UGT2B17: variants seen among roughly 807,000 people sequenced by gnomAD.
UGT2B17 encodes UDP-glucuronosyltransferase 2B17.
UGT2B17 carries 21 observed loss-of-function variants against 48.2 expected under a neutral mutation model. The observed-to-expected ratio is 0.44, with a 90% CI of 0.31 to 0.63. The LOEUF is 0.63. Among genes scored for constraint, UGT2B17 ranks in the 20% least tolerant of loss-of-function variants. The pLI is 0.08. For synonymous variants in UGT2B17, 146 were observed against 238.4 expected, an observed-to-expected ratio of 0.61 and a Z score of 3.57; for missense variants, 402 against 696.1, an observed-to-expected ratio of 0.58 and a Z score of 4.75.
rs879108395 is a variant in UGT2B17 at position 68,546,814 on chromosome 4, C to T, written c.1313+3863G>A. ...AACAGAGAGCCAAATCATGAGTGAA[C>T]TCCCATTCACAATTGCTTCAAAGAG... On this transcript the variant is annotated intron_variant, in intron 6 of 6. Transcript: ENST00000317746. 1.6e-5 allele frequency among the ~76,000 whole-genome samples: 2 copies of T among 124,076 alleles called. 1 individual carries two copies. The highest frequency in any genetic ancestry group is 3.4e-5 in the Non-Finnish European group (2 of 58,902). The allele number at this position is 124,076 out of a possible 152,430, so 81.4% of individuals were successfully genotyped here.
In UGT2B17 at chr4:68,572,311, C is replaced by T. The variant is rs1731307349; in HGVS notation, c.-65+3640G>A. On this transcript the variant is annotated intron_variant, in intron 1 of 6. Transcript: ENST00000317746. ...GTTCTACCTATTACCTTACTTGTGT[C>T]ACATAGAAAAGGAGCAGTCCTTAAT... 3.2e-5 allele frequency among the ~76,000 whole-genome samples: 4 copies of T among 125,802 alleles called. 2 individuals carry two copies. The highest frequency in any genetic ancestry group is 1.6e-4 in the Admixed American group (2 of 12,242). 82.5% of individuals were successfully genotyped at this position (125,802 alleles called of 152,430 possible).
At position 68,562,408 on chromosome 4, in the gene UGT2B17, C is replaced by T. The variant is rs1177683557; in HGVS notation, c.874-1740G>A. Among the ~76,000 whole-genome samples the T allele has an allele frequency of 8.7e-5, 11 of 126,148 alleles. 2 individuals are homozygous for T. In the Admixed American group the frequency reaches 9.0e-4, roughly 10 times the overall value. 82.8% of individuals were successfully genotyped at this position (126,148 alleles called of 152,430 possible). ...GATTACAGGCTTGAGCCACTGTGCC[C>T]GGTCTGATATCAGTTTTAATTGGAG... On this transcript the variant is annotated intron_variant, in intron 3 of 6. Transcript: ENST00000317746.
chr4:68,572,068 G>A (rs1205726120), intron 1 of UGT2B17, among the ~76,000 whole-genome samples: 2 of 125,756 alleles, frequency 1.6e-5, no homozygotes, highest in African/African-American at 2.7e-5. Flanking sequence ...AGTCAAACAC[G>A]ATCTTTTTTA....
At chr4:68,560,042 A>T (rs1731074710) in intron 4 of UGT2B17, among the ~76,000 whole-genome samples, 1 of 132,474 alleles carries the variant, frequency 7.5e-6, no homozygotes, top group African/African-American at 2.6e-5. Flanking sequence ...ACCTATTCCA[A>T]TGCATGGGAA....
intron 3 of UGT2B17, among the ~76,000 whole-genome samples, chr4:68,562,977 T>A (rs1560580477): frequency 7.9e-6 from 1 of 126,518 alleles, no homozygotes; most frequent in Non-Finnish European, 1.7e-5. Context: ...GCGCATTGTA[T>A]AAGTTTTTAA....
rs1478671634 is a variant in UGT2B17 at position 68,575,431 on chromosome 4, T to C, written c.-65+520A>G. Among the ~76,000 whole-genome samples the C allele has an allele frequency of 1.3e-4, 16 of 125,094 alleles. 2 individuals are homozygous for C. The highest frequency in any genetic ancestry group is 4.4e-4 in the African/African-American group (16 of 36,398). The allele number at this position is 125,094 out of a possible 152,430, so 82.1% of individuals were successfully genotyped here. A position where few individuals can be genotyped will look rare whatever the true frequency, so the allele number is the denominator to read the frequency against. ...CCTACCTCTAATGCTGGCCAATCTA[T>C]TTCACACAAAGTTCTAAGTTTTCCT... On this transcript the variant is annotated intron_variant, in intron 1 of 6. Coordinates refer to ENST00000317746, the MANE Select transcript of UGT2B17 (RefSeq NM_001077.4).
Position 68,549,657 on chromosome 4 carries a change from T to C in UGT2B17, c.1313+1020A>G, listed in dbSNP as rs535757348. Among the ~76,000 whole-genome samples, 154 of 125,220 alleles carry C rather than the reference T, an allele frequency of 1.2e-3. 37 individuals are homozygous for C. The highest frequency in any genetic ancestry group is 2.1e-3 in the Non-Finnish European group (122 of 59,130). 82.1% of individuals were successfully genotyped at this position (125,220 alleles called of 152,430 possible). ...TAGAAAGACAGGTGATAACAAGTGT[T>C]GGGAAGAGTGTGAAGAAATTAGAGC... is the stretch of plus-strand genomic sequence containing the variant. On this transcript the variant is annotated intron_variant, in intron 6 of 6. Transcript: ENST00000317746.
intron 1 of UGT2B17, among the ~76,000 whole-genome samples, chr4:68,574,657 T>C (rs1731342476): frequency 7.9e-6 from 1 of 127,170 alleles, no homozygotes; most frequent in Non-Finnish European, 1.7e-5. Context: ...CACATTCTTA[T>C]GCCTCCTTAT....
intron 6 of UGT2B17, among the ~76,000 whole-genome samples, chr4:68,543,457 A>C (rs1490329516): frequency 8.0e-6 from 1 of 125,224 alleles, no homozygotes; most frequent in African/African-American, 2.7e-5. Context: ...TCAAAAACCA[A>C]AGGTAGATAA....
rs748876551 is a variant in UGT2B17, at chr4:68,537,715, G to A, written c.1503C>T (p.Cys501=). The change falls in exon 7 of 7, where the codon TGC becomes TGT. Residue 501 remains cysteine (C), a synonymous_variant. Coordinates refer to ENST00000317746, the MANE Select transcript of UGT2B17 (RefSeq NM_001077.4). ...SLDVIAFLLA[C]VATMIFMITK... ...TGATCATAAATATCATAGTTGCCAC[G>A]CAGGCCAGCAGGAATGCTATCACAT... is the stretch of plus-strand genomic sequence containing the variant. 7.8e-5 allele frequency: 107 copies of A among 1,378,296 alleles called. 32 individuals carry two copies. Among genetic ancestry groups the A allele is most frequent in the Middle Eastern group, 1.9e-4 (1 of 5,172 alleles). The allele number at this position is 1,378,296 out of a possible 1,614,324, so 85.4% of individuals were successfully genotyped here. A position where few individuals can be genotyped will look rare whatever the true frequency, so the allele number is the denominator to read the frequency against.
At chr4:68,572,348 A>T (rs1412968625) in intron 1 of UGT2B17, among the ~76,000 whole-genome samples, 2 of 126,578 alleles carry the variant, frequency 1.6e-5, no homozygotes, top group African/African-American at 5.4e-5. Flanking sequence ...TTATTTTAAA[A>T]ACTGTGATCA....
chr4:68,569,745 A>G (rs1731270368), intron 1 of UGT2B17, among the ~76,000 whole-genome samples: 1 of 126,226 alleles, frequency 7.9e-6, no homozygotes, highest in Non-Finnish European at 1.7e-5. Flanking sequence ...CAGATACTAC[A>G]TAGCAGTCAC....
intron 3 of UGT2B17, among the ~76,000 whole-genome samples, chr4:68,564,701 G>C (rs1414725270): frequency 8.1e-6 from 1 of 123,568 alleles, no homozygotes; most frequent in Non-Finnish European, 1.7e-5. Context: ...TTTTTTGTTT[G>C]TTTATTTGTT....
chr4:68,557,281 G>C (rs1277638501), intron 4 of UGT2B17, among the ~76,000 whole-genome samples: 1 of 124,582 alleles, frequency 8.0e-6, no homozygotes, highest in Non-Finnish European at 1.7e-5. Flanking sequence ...GTCTGACTTT[G>C]GTCCTCTTTA....
At chr4:68,548,440 G>A (rs1560576345) in intron 6 of UGT2B17, among the ~76,000 whole-genome samples, 1 of 124,658 alleles carries the variant, frequency 8.0e-6, no homozygotes, top group Non-Finnish European at 1.7e-5. Context: ...TAGCGGGAGT[G>A]GGGAGGGATA....
chr4:68,541,556 A>T lies in UGT2B17; in HGVS notation c.1314-3652T>A, dbSNP rs1730656547. Among the ~76,000 whole-genome samples, 4 of 126,030 alleles carry T rather than the reference A, an allele frequency of 3.2e-5. 2 individuals are homozygous for T. The South Asian group carries it at 1.5e-3, about 47-fold the overall frequency. 82.7% of individuals were successfully genotyped at this position (126,030 alleles called of 152,430 possible). A position where few individuals can be genotyped will look rare whatever the true frequency, so the allele number is the denominator to read the frequency against. On this transcript the variant is annotated intron_variant, in intron 6 of 6. Transcript: ENST00000317746. ...ATTCTGGATATTGGACCTTTGTCAGAGGGATAGATTGCAAAAATGTTCCCT... is the reference window on the plus strand; with the variant it reads ...ATTCTGGATATTGGACCTTTGTCAGTGGGATAGATTGCAAAAATGTTCCCT...
intron 1 of UGT2B17, among the ~76,000 whole-genome samples, chr4:68,568,898 CAAT>C (rs1298460186): frequency 7.3e-6 from 1 of 137,560 alleles, no homozygotes; most frequent in East Asian, 3.7e-4. Context: ...GTGTACAGTT[CAAT>C]GTTTCCTAGT....
chr4:68,570,692 C>T (rs543666786), intron 1 of UGT2B17, among the ~76,000 whole-genome samples: 3 of 125,556 alleles, frequency 2.4e-5, no homozygotes, highest in Non-Finnish European at 5.0e-5. Flanking sequence ...ACTAAGGTAG[C>T]GATGAAGCTT....
chr4:68,562,763 T>C lies in UGT2B17; in HGVS notation c.874-2095A>G, dbSNP rs1731127535. On this transcript the variant is annotated intron_variant, in intron 3 of 6. Coordinates refer to ENST00000317746, the MANE Select transcript of UGT2B17 (RefSeq NM_001077.4). Reference sequence around the variant, plus strand: ...AATGTGTACCATTTCATTATGGTTTTAATTCTATTTATATAACTCAATGTA... The same window carrying C: ...AATGTGTACCATTTCATTATGGTTTCAATTCTATTTATATAACTCAATGTA... Among the ~76,000 whole-genome samples the C allele has an allele frequency of 1.6e-5, 2 of 126,708 alleles. 1 individual carries two copies. The highest frequency in any genetic ancestry group is 5.4e-5 in the African/African-American group (2 of 37,148). The allele number at this position is 126,708 out of a possible 152,430, so 83.1% of individuals were successfully genotyped here.
Sources: allele counts gnomAD v4.1 joint callset (sites outside exome capture counted in the v4.1 genomes callset), GRCh38; gene constraint gnomAD v4.1.1; transcripts MANE v1.5; gene names NCBI Gene and HGNC (gene_info 2026-07-23, HGNC 2026-07-21).